The following MACROD2 variants were observed in gnomAD, a reference collection of about 807,000 sequenced individuals.
The protein encoded by MACROD2 is mono-ADP ribosylhydrolase 2, also known as ADP-ribose glycohydrolase MACROD2.
Under a neutral mutation model 70.4 loss-of-function variants are expected in MACROD2, and 36 were observed. The ratio of observed to expected loss-of-function variants is 0.51; its 90% CI spans 0.39 to 0.68. The LOEUF is 0.68. Among genes scored for constraint, MACROD2 ranks in the 30% least tolerant of loss-of-function variants. The pLI is 0.00. For synonymous variants in MACROD2, 172 were observed against 178.8 expected (o/e 0.96, Z 0.30); for missense variants, 496 against 538.4 (o/e 0.92, Z 0.78).
At chr20:15,350,569 A>G (rs1238383237) in intron 6 of MACROD2, among the ~76,000 whole-genome samples, 1 of 152,216 alleles carries the variant, frequency 6.6e-6, no homozygotes, top group African/African-American at 2.4e-5. Context: ...ATATGGGATC[A>G]CGTATTAGGA....
At chr20:15,081,962 AGGAGGTATGAAAAT>A in intron 5 of MACROD2, among the ~76,000 whole-genome samples, 1 of 152,328 alleles carries the variant, frequency 6.6e-6, no homozygotes, top group South Asian at 2.1e-4. Flanking sequence ...GACATAGTCC[AGGAGGTATGAAAAT>A]GGATGTCATG....
At chr20:15,067,065 A>T (rs1380678725) in intron 5 of MACROD2, among the ~76,000 whole-genome samples, 1 of 152,170 alleles carries the variant, frequency 6.6e-6, no homozygotes, top group Non-Finnish European at 1.5e-5. Flanking sequence ...CCCATTTCAC[A>T]TTTTATTTCC....
At chr20:14,465,292 G>A (rs1376624622) in intron 3 of MACROD2, among the ~76,000 whole-genome samples, 2 of 151,946 alleles carry the variant, frequency 1.3e-5, no homozygotes, top group African/African-American at 2.4e-5. Flanking sequence ...TTATGTAATG[G>A]CCTTCTTTGT....
chr20:14,349,905 C>T (rs1447677133), intron 3 of MACROD2, among the ~76,000 whole-genome samples: 12 of 150,666 alleles, frequency 8.0e-5, no homozygotes, highest in South Asian at 2.1e-4. Context: ...TGCACCACCA[C>T]GCCCGGCTAA....
chr20:14,166,287 A>G (rs910054089), intron 3 of MACROD2, among the ~76,000 whole-genome samples: 1 of 151,962 alleles, frequency 6.6e-6, no homozygotes, highest in Non-Finnish European at 1.5e-5. Context: ...TCTAGTTTTT[A>G]TGGTGATTCT....
chr20:14,457,381 G>A (rs147628890), intron 3 of MACROD2, among the ~76,000 whole-genome samples: 9 of 152,180 alleles, frequency 5.9e-5, no homozygotes, highest in Non-Finnish European at 1.2e-4. Context: ...GTTTACTAAT[G>A]TTTACCATCT....
intron 6 of MACROD2, among the ~76,000 whole-genome samples, chr20:15,402,729 T>C (rs76707889): frequency 0.011 from 1,714 of 152,316 alleles, 37 homozygotes; most frequent in African/African-American, 0.04. Context: ...ACACTGCATA[T>C]GTGTCCTTCT....
intron 17 of MACROD2, among the ~76,000 whole-genome samples, chr20:16,046,417 G>A (rs2067382335): frequency 6.6e-6 from 1 of 151,568 alleles, no homozygotes; most frequent in Admixed American, 6.6e-5. Flanking sequence ...CCATTAAAAA[G>A]TAATGAAATG....
At chr20:15,219,383 T>A (rs572716904) in intron 5 of MACROD2, among the ~76,000 whole-genome samples, 1 of 152,322 alleles carries the variant, frequency 6.6e-6, no homozygotes, top group East Asian at 1.9e-4. Flanking sequence ...CTCCTACTCC[T>A]GCTGTAACAC....
At chr20:14,525,204 T>C (rs1362894127) in intron 4 of MACROD2, among the ~76,000 whole-genome samples, 1 of 152,212 alleles carries the variant, frequency 6.6e-6, no homozygotes, top group Admixed American at 6.5e-5. Flanking sequence ...CCATGTATAA[T>C]AGTATTTCCA....
intron 5 of MACROD2, among the ~76,000 whole-genome samples, chr20:14,859,231 T>TTAAA (rs893680087): frequency 9.2e-5 from 14 of 152,038 alleles, no homozygotes; most frequent in Admixed American, 8.5e-4. Flanking sequence ...ACTATTGAAA[T>TTAAA]TAAATAAATA....
intron 4 of MACROD2, among the ~76,000 whole-genome samples, chr20:14,653,543 A>T (rs1311092108): frequency 2.1e-5 from 3 of 145,074 alleles, no homozygotes; most frequent in Non-Finnish European, 3.0e-5. Context: ...TTTTTAAGAG[A>T]TGAGTTCTCC....
intron 5 of MACROD2, among the ~76,000 whole-genome samples, chr20:14,830,984 C>T (rs1339804170): frequency 1.3e-5 from 2 of 152,116 alleles, no homozygotes; most frequent in Admixed American, 6.6e-5. Flanking sequence ...TCTCTTTATG[C>T]ACGGTGAAAT....
At chr20:15,325,557 G>A (rs1420322953) in intron 6 of MACROD2, among the ~76,000 whole-genome samples, 1 of 152,132 alleles carries the variant, frequency 6.6e-6, no homozygotes, top group Non-Finnish European at 1.5e-5. Context: ...AACCTCCATG[G>A]TGAAATATGC....
chr20:15,167,068 T>C (rs1379856674), intron 5 of MACROD2, among the ~76,000 whole-genome samples: 2 of 151,854 alleles, frequency 1.3e-5, no homozygotes, highest in Admixed American at 6.6e-5. Flanking sequence ...ATTGTCTACA[T>C]AGAGCAAAAA....
chr20:15,116,451 T>TAGA (rs1487668420), intron 5 of MACROD2, among the ~76,000 whole-genome samples: 6 of 152,196 alleles, frequency 3.9e-5, no homozygotes, highest in African/African-American at 1.2e-4. Context: ...GACACCAGCC[T>TAGA]GATCAACATA....
At chr20:15,979,017 G>A (rs2066354340) in intron 13 of MACROD2, among the ~76,000 whole-genome samples, 1 of 152,130 alleles carries the variant, frequency 6.6e-6, no homozygotes, top group Non-Finnish European at 1.5e-5. Context: ...AGGAGGAGTG[G>A]ATATCACACA....
At position 15,237,789 on chromosome 20, in the gene MACROD2, A is replaced by G. The variant is rs142564970; in HGVS notation, c.540+7728A>G. Among the ~76,000 whole-genome samples, 16 of 151,674 alleles carry G rather than the reference A, an allele frequency of 1.1e-4. No homozygotes were observed. The East Asian group carries it at 2.9e-3, about 28-fold the overall frequency. The stretch of plus-strand genomic sequence containing the variant: ...CCATCTGAGGGAGGAGAAAAGCTGG[A>G]CTATTTTTTTTTTTTATCTTTCCCC... On this transcript the variant is annotated intron_variant, in intron 6 of 17. Coordinates refer to ENST00000684519, the MANE Select transcript of MACROD2 (RefSeq NM_001351661.2).
intron 8 of MACROD2, among the ~76,000 whole-genome samples, chr20:15,652,327 G>A (rs1225020971): frequency 6.6e-6 from 1 of 152,148 alleles, no homozygotes; most frequent in Non-Finnish European, 1.5e-5. Flanking sequence ...TCCAATGAGA[G>A]TCATGTGCTT....
Sources: allele counts gnomAD v4.1 joint callset (sites outside exome capture counted in the v4.1 genomes callset), GRCh38; gene constraint gnomAD v4.1.1; transcripts MANE v1.5; gene names NCBI Gene and HGNC (gene_info 2026-07-23, HGNC 2026-07-21).